DDX23: variants seen among roughly 807,000 people sequenced by gnomAD.
DDX23 encodes DEAD-box helicase 23.
Under a neutral mutation model 102.7 loss-of-function variants are expected in DDX23, and 33 were observed. The observed-to-expected ratio is 0.32, with a 90% CI of 0.24 to 0.43. DDX23 has a LOEUF of 0.43. Ranked by LOEUF, DDX23 falls within the 20% of genes least tolerant of loss-of-function variation. The probability of loss-of-function intolerance (pLI) is 1.00; values close to 1 mark genes in which losing one functional copy is unlikely to be tolerated. For missense variants in DDX23, 549 were observed against 1,086.6 expected, an observed-to-expected ratio of 0.51 and a Z score of 6.96; for synonymous variants, 352 against 376.0, an observed-to-expected ratio of 0.94 and a Z score of 0.74.
chr12:48,832,496 C>T lies in DDX23; in HGVS notation c.1881G>A (p.Val627=), dbSNP rs1191338834. ...ARSYLRRPAV[V]YIGSAGKPHE... Reference sequence around the variant, plus strand: ...GGGGCTTGCCTGCGGAGCCAATGTACACCACAGCAGGTCGCCGAAGATAGC... The same window carrying T: ...GGGGCTTGCCTGCGGAGCCAATGTATACCACAGCAGGTCGCCGAAGATAGC... Residue 627 remains valine, a synonymous_variant, in exon 14 of 17, where the codon GTG becomes GTA. Transcript: ENST00000308025. The surrounding 1 kb of genome is among the most constrained non-coding windows in gnomAD (Gnocchi z 4.4). 1 of 1,614,084 alleles carries T rather than the reference C, an allele frequency of 6.2e-7. No individual in the cohort carries two copies. The highest frequency in any genetic ancestry group is 8.5e-7 in the Non-Finnish European group (1 of 1,180,054).
Position 48,832,533 on chromosome 12 carries a change from C to T in DDX23, c.1844G>A (p.Arg615His). 9 of 1,614,160 alleles carry T rather than the reference C, an allele frequency of 5.6e-6. No homozygotes were observed. Among genetic ancestry groups the T allele is most frequent in the South Asian group, 2.2e-5 (2 of 91,090 alleles). The stretch of plus-strand genomic sequence containing the variant: ...TCGCCGAAGATAGCTCCTGGCCAGA[C>T]GCTCCACCGCTGGGGGCATGGTGGC... ...FTATMPPAVE[R>H]LARSYLRRPA... The change falls in exon 14 of 17, where the codon CGT becomes CAT. Residue 615 changes from arginine (R) to histidine (H), a missense_variant. Around this residue, in one of 4 missense-constraint regions of DDX23, gnomAD observed 270 missense variants for 707.0 expected, o/e 0.38. Coordinates refer to ENST00000308025, the MANE Select transcript of DDX23 (RefSeq NM_004818.3). This position sits in a 1 kb window ranked among gnomAD's most constrained non-coding sequence, Gnocchi z 4.4.
chr12:48,845,880 T>C (rs1938659154), intron 1 of DDX23, 98 bp from the exon 2 acceptor site: 3 of 1,264,456 alleles, frequency 2.4e-6, no homozygotes, highest in East Asian at 2.5e-5. Flanking sequence ...ATGAGGTGGA[T>C]ATATTAGTAT....
In DDX23 at chr12:48,837,317, T is replaced by G; in HGVS notation, c.830A>C (p.Asp277Ala). ...LNDRKFVFEW[D>A]ASEDTSIDYN... Reference sequence around the variant, plus strand: ...GTCAATGGATGTGTCCTCAGATGCATCCCACTCAAAAACAAATTTCCGGTC... The same window carrying G: ...GTCAATGGATGTGTCCTCAGATGCAGCCCACTCAAAAACAAATTTCCGGTC... Residue 277 changes from aspartate (D) to alanine (A), a missense_variant, in exon 8 of 17, where the codon GAT (aspartate) becomes GCT (alanine). Physicochemically the swap from Asp to Ala is moderately radical, Grantham distance 126. Transcript: ENST00000308025. 1 of 1,614,100 alleles carries G rather than the reference T, an allele frequency of 6.2e-7. No individual in the cohort carries two copies. Among genetic ancestry groups the G allele is most frequent in the Non-Finnish European group, 8.5e-7 (1 of 1,180,020 alleles).
At chr12:48,839,654 G>C (rs1938517677) in intron 5 of DDX23, 190 bp downstream of exon 5, 1 of 591,488 alleles carries the variant, frequency 1.7e-6, no homozygotes, top group African/African-American at 1.9e-5. Flanking sequence ...CATGTGAAGA[G>C]CTGAGGAAGA....
chr12:48,846,009 A>G (rs1423693191), intron 1 of DDX23, among the ~76,000 whole-genome samples: 1 of 152,084 alleles, frequency 6.6e-6, no homozygotes, highest in Non-Finnish European at 1.5e-5. Context: ...TACTCACTAT[A>G]TTGTCTCCCT....
At chr12:48,835,723 A>G (rs1230375724) in intron 11 of DDX23, among the ~76,000 whole-genome samples, 1 of 152,030 alleles carries the variant, frequency 6.6e-6, no homozygotes, top group Non-Finnish European at 1.5e-5. Context: ...AAAACAAAAC[A>G]AAACAAAAAA....
Position 48,851,079 on chromosome 12 carries a change from A to G in DDX23, c.-1+1005T>C, listed in dbSNP as rs990464588. 3.9e-5 allele frequency among the ~76,000 whole-genome samples: 6 copies of G among 152,094 alleles called. No individual in the cohort carries two copies. The East Asian group carries it at 9.6e-4, about 24-fold the overall frequency. On this transcript the variant is annotated intron_variant, in intron 1 of 16. Coordinates refer to ENST00000308025, the MANE Select transcript of DDX23 (RefSeq NM_004818.3). ...AGGGGCACATTCTTTTTTTTCACTC[A>G]ATGACGTATTTAACAAGCATCTACT...
At chr12:48,840,861 C>T (rs1181750918) in intron 3 of DDX23, among the ~76,000 whole-genome samples, 1 of 151,776 alleles carries the variant, frequency 6.6e-6, no homozygotes, top group African/African-American at 2.4e-5. Flanking sequence ...CCCTCCTTAA[C>T]TCTTTAATAT....
In DDX23 at chr12:48,832,624, T is replaced by C. The variant is rs953231284; in HGVS notation, c.1804-51A>G. On this transcript the variant is annotated intron_variant, in intron 13 of 16. Coordinates refer to ENST00000308025, the MANE Select transcript of DDX23 (RefSeq NM_004818.3). This position sits in a 1 kb window ranked among gnomAD's most constrained non-coding sequence, Gnocchi z 4.4. ...GCACCCAGGCAGGAATAATCATATA[T>C]CCCACTGTCACCGAAGGCAGGTCAG... 2 of 1,595,736 alleles carry C rather than the reference T, an allele frequency of 1.3e-6. No homozygotes were observed. Among genetic ancestry groups the C allele is most frequent in the East Asian group, 2.2e-5 (1 of 44,450 alleles).
chr12:48,849,665 G>GA (rs906583243), intron 1 of DDX23, among the ~76,000 whole-genome samples: 12,561 of 133,734 alleles, frequency 0.094, 695 homozygotes, highest in Middle Eastern at 0.15. Context: ...TGTCTCGAGA[G>GA]AAAAAAAAAA....
Position 48,836,994 on chromosome 12 carries a change from T to C in DDX23, c.910A>G (p.Ile304Val). The C allele has an allele frequency of 6.2e-7, 1 of 1,614,088 alleles. No individual in the cohort carries two copies. Among genetic ancestry groups the C allele is most frequent in the Non-Finnish European group, 8.5e-7 (1 of 1,180,026 alleles). ...TGCTGCTTGAGGTCAATGCCTGCAA[T>C]GAAGCCTCGCCCTAACAACTGCACC... Reference protein sequence around the residue: ...HQVQLLGRGFIAGIDLKQQKR... With the variant: ...HQVQLLGRGFVAGIDLKQQKR... Residue 304 changes from isoleucine (I) to valine (V), a missense_variant, in exon 9 of 17, where the codon ATT becomes GTT. By Grantham distance (29) the Ile-to-Val change is conservative. Transcript: ENST00000308025. This position sits in a 1 kb window ranked among gnomAD's most constrained non-coding sequence, Gnocchi z 6.1.
chr12:48,831,396 TGAAGG>T (rs753301896), intron 15 of DDX23, 80 bp from the exon 16 acceptor site: 2 of 1,394,862 alleles, frequency 1.4e-6, no homozygotes, highest in Non-Finnish European at 2.0e-6. Context: ...GGGACACAGA[TGAAGG>T]GAGGGTTGGA....
rs375708562 is a variant in DDX23 at position 48,845,684 on chromosome 12, G to T, written c.99C>A (p.Asp33Glu). 2.4e-5 allele frequency: 38 copies of T among 1,614,070 alleles called. No individual in the cohort carries two copies. The highest frequency in any genetic ancestry group is 3.3e-5 in the South Asian group (3 of 91,090). The change falls in exon 2 of 17, where the codon GAC (aspartate) becomes GAA (glutamate). Residue 33 changes from aspartate to glutamate, a missense_variant. Asp to Glu is a conservative substitution (Grantham distance 45). Transcript: ENST00000308025. ...TAGATGGGGAAGACTTCCGGTCCCG[G>T]TCTCTATCCCGCTCTCTGTCAGGAG... ...SRTPDRERDR[D>E]RDRKSSPSKD...
chr12:48,846,087 C>A (rs980218745), intron 1 of DDX23, among the ~76,000 whole-genome samples: 3 of 152,148 alleles, frequency 2.0e-5, no homozygotes, highest in African/African-American at 2.4e-5. Context: ...TAGGTCACTG[C>A]AGCTTCAACT....
chr12:48,850,236 T>G (rs1335154341), intron 1 of DDX23, among the ~76,000 whole-genome samples: 1 of 152,114 alleles, frequency 6.6e-6, no homozygotes, highest in Admixed American at 6.6e-5. Context: ...AGAGTATATT[T>G]TGGAGGCAAA....
rs1338348692 is a variant in DDX23 at position 48,832,696 on chromosome 12, C to A, written c.1804-123G>T. ...TGGGCCACAGTATAGGCTTTGATAGCCACCACCTTAGAAAATAGTGTCCTC... is the reference window on the plus strand; with the variant it reads ...TGGGCCACAGTATAGGCTTTGATAGACACCACCTTAGAAAATAGTGTCCTC... On this transcript the variant is annotated intron_variant, in intron 13 of 16. Coordinates refer to ENST00000308025, the MANE Select transcript of DDX23 (RefSeq NM_004818.3). This position sits in a 1 kb window ranked among gnomAD's most constrained non-coding sequence, Gnocchi z 4.4. 4.9e-6 allele frequency: 6 copies of A among 1,232,716 alleles called. No individual in the cohort carries two copies. The highest frequency in any genetic ancestry group is 6.6e-6 in the Non-Finnish European group (6 of 912,702). 76.4% of individuals were successfully genotyped at this position (1,232,716 alleles called of 1,614,324 possible). A position where few individuals can be genotyped will look rare whatever the true frequency, so the allele number is the denominator to read the frequency against.
intron 3 of DDX23, 77 bp downstream of exon 3, chr12:48,843,863 T>A (rs911477782): frequency 6.6e-7 from 1 of 1,513,356 alleles, no homozygotes; most frequent in African/African-American, 1.4e-5. Flanking sequence ...TCTACTTTCA[T>A]AAGAAGCTGA....
Position 48,846,392 on chromosome 12 carries a change from C to A in DDX23, c.1-610G>T, listed in dbSNP as rs371086135. On this transcript the variant is annotated intron_variant, in intron 1 of 16. Coordinates refer to ENST00000308025, the MANE Select transcript of DDX23 (RefSeq NM_004818.3). ...GTGTACCAACTATTTCTAGAAACATCCTATATTGCTTACTTTGAAGTTTAT... is the reference window on the plus strand; with the variant it reads ...GTGTACCAACTATTTCTAGAAACATACTATATTGCTTACTTTGAAGTTTAT... 4.6e-5 allele frequency among the ~76,000 whole-genome samples: 7 copies of A among 152,290 alleles called. No individual in the cohort carries two copies. In the East Asian group the frequency reaches 7.7e-4, roughly 17 times the overall value.
At chr12:48,833,021 C>T in intron 13 of DDX23, 2 of 532,888 alleles carry the variant, frequency 3.8e-6, no homozygotes, top group Non-Finnish European at 6.6e-6. Context: ...CACTCTGTTG[C>T]CCAGGATGGA....
Sources: gnomAD v4.1 joint callset for allele counts (sites outside exome capture counted in the v4.1 genomes callset) on GRCh38, gnomAD v4.1.1 for gene constraint, gnomAD v4.1.1 regional missense constraint, Gnocchi (gnomAD v3.1) non-coding constraint, MANE v1.5 for transcripts, NCBI Gene and HGNC (gene_info 2026-07-23, HGNC 2026-07-21) for gene names.